FAP: variants seen among roughly 807,000 people sequenced by gnomAD.
FAP encodes prolyl endopeptidase FAP.
FAP carries 110 observed loss-of-function variants against 126.5 expected under a neutral mutation model. The ratio of observed to expected loss-of-function variants is 0.87; its 90% CI spans 0.74 to 1.02. The LOEUF is 1.02. Ranked by LOEUF, FAP falls within the 50% of genes least tolerant of loss-of-function variation. The probability of loss-of-function intolerance (pLI) is 0.00; values close to 1 mark genes in which losing one functional copy is unlikely to be tolerated. For synonymous variants in FAP, 334 were observed against 297.3 expected, an observed-to-expected ratio of 1.12 and a Z score of -1.27; for missense variants, 919 against 909.2, an observed-to-expected ratio of 1.01 and a Z score of -0.14.
intron 21 of FAP, among the ~76,000 whole-genome samples, chr2:162,179,835 G>T (rs1687633786): frequency 1.4e-5 from 2 of 139,680 alleles, no homozygotes; most frequent in Non-Finnish European, 3.0e-5. Flanking sequence ...TTGAGATGGA[G>T]TCTCGCTCTG....
At chr2:162,241,571 C>G (rs1039092089) in intron 2 of FAP, among the ~76,000 whole-genome samples, 1 of 152,102 alleles carries the variant, frequency 6.6e-6, no homozygotes, top group Non-Finnish European at 1.5e-5. Context: ...TGCAGAGTAT[C>G]AATTTCAAGG....
intron 12 of FAP, among the ~76,000 whole-genome samples, chr2:162,205,527 T>G (rs1688668200): frequency 6.6e-6 from 1 of 152,190 alleles, no homozygotes; most frequent in Admixed American, 6.5e-5. Context: ...TATTTTTTTA[T>G]TTTTTATGGA....
At chr2:162,226,672 A>G in intron 2 of FAP, 51 bp from the exon 3 acceptor site, 1 of 978,538 alleles carries the variant, frequency 1.0e-6, no homozygotes, top group Non-Finnish European at 1.6e-6. Context: ...TTAACAACTC[A>G]AATAAATTCT....
At chr2:162,172,528 G>A in intron 25 of FAP, 1 of 330,632 alleles carries the variant, frequency 3.0e-6, no homozygotes, top group Non-Finnish European at 5.7e-6. Flanking sequence ...TATTCACATA[G>A]GATTTCAGAA....
intron 10 of FAP, among the ~76,000 whole-genome samples, chr2:162,214,528 T>A (rs926024999): frequency 1.3e-5 from 2 of 151,666 alleles, no homozygotes; most frequent in African/African-American, 4.9e-5. Flanking sequence ...GCTGTGACTG[T>A]GGTCAGGTAT....
At chr2:162,172,645 G>T in intron 25 of FAP, 166 bp downstream of exon 25, 1 of 574,508 alleles carries the variant, frequency 1.7e-6, no homozygotes, top group Admixed American at 2.9e-5. Flanking sequence ...GGGTCCTTCA[G>T]TAGTTAAAGA....
In FAP at chr2:162,179,812, A is replaced by ATT. The variant is rs1206502227; in HGVS notation, c.1869+3600_1869+3601dup. Among the ~76,000 whole-genome samples, 129 of 90,538 alleles carry ATT rather than the reference A, an allele frequency of 1.4e-3. 1 individual carries two copies. Among genetic ancestry groups the ATT allele is most frequent in the Middle Eastern group, 0.012 (2 of 166 alleles). The allele number at this position is 90,538 out of a possible 152,430, so 59.4% of individuals were successfully genotyped here. On this transcript the variant is annotated intron_variant, in intron 21 of 25. Coordinates refer to ENST00000188790, the MANE Select transcript of FAP (RefSeq NM_004460.5). ...TATCTATATATATATATATATATAT[A>ATT]TTTTTTTTTTTTTTGAGATGGAGTC...
At chr2:162,215,131 A>T (rs1175213095) in intron 10 of FAP, among the ~76,000 whole-genome samples, 1 of 152,166 alleles carries the variant, frequency 6.6e-6, no homozygotes, top group Non-Finnish European at 1.5e-5. Flanking sequence ...ATTATACAAG[A>T]GTGGACTCAG....
rs750844415 is a variant in FAP, at chr2:162,198,870, C to A, written c.1289G>T (p.Gly430Val). Residue 430 changes from glycine to valine, a missense_variant, in exon 16 of 26, where the codon GGA becomes GTA. Physicochemically the swap from Gly to Val is moderately radical, Grantham distance 109. Coordinates refer to ENST00000188790, the MANE Select transcript of FAP (RefSeq NM_004460.5). ...ACACTTCTTGCTTGGAGGATAGCTT[C>A]CAATGCTAATTCTAGAGGGAAATGA... ...GRRNIYRISI[G>V]SYPPSKKCVT... 21 of 1,613,708 alleles carry A rather than the reference C, an allele frequency of 1.3e-5. No individual in the cohort carries two copies. The East Asian group carries it at 4.0e-4, about 31-fold the overall frequency.
At chr2:162,204,055 A>C (rs960946756) in intron 12 of FAP, among the ~76,000 whole-genome samples, 1 of 152,180 alleles carries the variant, frequency 6.6e-6, no homozygotes, top group African/African-American at 2.4e-5. Flanking sequence ...TACATCATGC[A>C]GAGCAGATTT....
chr2:162,187,360 C>A (rs542208927), intron 20 of FAP, among the ~76,000 whole-genome samples: 32 of 152,156 alleles, frequency 2.1e-4, no homozygotes, highest in African/African-American at 7.0e-4. Flanking sequence ...CACATATATT[C>A]ACGACTGAGA....
At chr2:162,173,256 T>C (rs764360615) in intron 23 of FAP, 35 bp from the exon 24 acceptor site, 12 of 1,511,050 alleles carry the variant, frequency 7.9e-6, no homozygotes, top group Admixed American at 1.7e-5. Flanking sequence ...TTTTAGTTGC[T>C]GCAAGTTCTA....
chr2:162,179,750 G>A (rs1332258144), intron 21 of FAP, among the ~76,000 whole-genome samples: 1 of 149,064 alleles, frequency 6.7e-6, no homozygotes, highest in Non-Finnish European at 1.5e-5. Flanking sequence ...ATGGGAACAA[G>A]GAAGCACAGA....
At chr2:162,207,029 C>T (rs80315313) in intron 12 of FAP, among the ~76,000 whole-genome samples, 139 of 152,186 alleles carry the variant, frequency 9.1e-4, no homozygotes, top group South Asian at 4.2e-3. Flanking sequence ...TATACTAATA[C>T]GACTAGCTTG....
chr2:162,208,489 G>T (rs893512447), intron 12 of FAP, among the ~76,000 whole-genome samples: 4 of 152,178 alleles, frequency 2.6e-5, no homozygotes, highest in Non-Finnish European at 4.4e-5. Context: ...TGAAAGGGTT[G>T]TTGGTATCAT....
chr2:162,189,664 T>C lies in FAP; in HGVS notation c.1541A>G (p.Asp514Gly). 1 of 1,536,524 alleles carries C rather than the reference T, an allele frequency of 6.5e-7. No homozygotes were observed. The highest frequency in any genetic ancestry group is 8.9e-7 in the Non-Finnish European group (1 of 1,121,954). Reference protein sequence around the residue: ...PKEEIKKLEVDEITLWYKMIL... With the variant: ...PKEEIKKLEVGEITLWYKMIL... The stretch of plus-strand genomic sequence containing the variant: ...TTTTTAAAAGATCTTACTAATTTCA[T>C]CTACTTCAAGTTTCTTAATTTCCTC... Residue 514 changes from aspartate (D) to glycine (G), a missense_variant, in exon 18 of 26, where the codon GAT becomes GGT. Asp to Gly is a moderately conservative substitution (Grantham distance 94, BLOSUM62 -1). Coordinates refer to ENST00000188790, the MANE Select transcript of FAP (RefSeq NM_004460.5).
At position 162,183,408 on chromosome 2, in the gene FAP, A is replaced by G. The variant is rs767581564; in HGVS notation, c.1869+6T>C. 1 of 1,601,924 alleles carries G rather than the reference A, an allele frequency of 6.2e-7. No homozygotes were observed. Among genetic ancestry groups the G allele is most frequent in the East Asian group, 2.2e-5 (1 of 44,676 alleles). On this transcript the variant is annotated splice_donor_region_variant and intron_variant, in intron 21 of 25. Coordinates refer to ENST00000188790, the MANE Select transcript of FAP (RefSeq NM_004460.5). ...TAACAGGCATAAAAAATATAAAACA[A>G]CTCACCCAGCCCCATATGGCTATTC...
At chr2:162,178,000 C>T (rs1465306062) in intron 21 of FAP, among the ~76,000 whole-genome samples, 2 of 152,152 alleles carry the variant, frequency 1.3e-5, no homozygotes, top group African/African-American at 2.4e-5. Context: ...AAACTCAGGA[C>T]ACTTGTCTCA....
At chr2:162,194,513 T>A (rs1166446658) in intron 17 of FAP, among the ~76,000 whole-genome samples, 188 bp downstream of exon 17, 1 of 152,136 alleles carries the variant, frequency 6.6e-6, no homozygotes, top group Non-Finnish European at 1.5e-5. Context: ...AAAGAATTAT[T>A]AAATTTCATA....
Sources: gnomAD v4.1 joint callset for allele counts (sites outside exome capture counted in the v4.1 genomes callset) on GRCh38, gnomAD v4.1.1 for gene constraint, MANE v1.5 for transcripts, NCBI Gene and HGNC (gene_info 2026-07-23, HGNC 2026-07-21) for gene names.